The following ENAH variants were observed in gnomAD, a reference collection of about 807,000 sequenced individuals.
ENAH encodes the protein protein enabled homolog.
ENAH carries 23 observed loss-of-function variants against 78.7 expected under a neutral mutation model. That is an observed-to-expected ratio of 0.29 (90% CI 0.21 to 0.41). ENAH has a LOEUF of 0.41. Ranked by LOEUF, ENAH falls within the 10% of genes least tolerant of loss-of-function variation. ENAH has a pLI of 1.00. For missense variants in ENAH, 544 were observed against 691.0 expected (o/e 0.79, Z 2.39); for synonymous variants, 226 against 241.0 (o/e 0.94, Z 0.58).
rs141517026 is a variant in ENAH, at chr1:225,570,554, A to G, written c.6-3140T>C. Among the ~76,000 whole-genome samples the G allele has an allele frequency of 3.1e-3, 472 of 152,150 alleles. 4 individuals are homozygous for G. The highest frequency in any genetic ancestry group is 1.0e-2 in the African/African-American group (415 of 41,514). On this transcript the variant is annotated intron_variant, in intron 1 of 13. Transcript: ENST00000366843. ...TCCTCAGCCTGCTCAACATGAAGACAAGGATGAAGATCTCTATAATGATCC... is the reference window on the plus strand; with the variant it reads ...TCCTCAGCCTGCTCAACATGAAGACGAGGATGAAGATCTCTATAATGATCC...
intron 3 of ENAH, among the ~76,000 whole-genome samples, chr1:225,532,333 A>C (rs544625246): frequency 1.1e-4 from 17 of 152,120 alleles, no homozygotes; most frequent in Non-Finnish European, 2.5e-4. Flanking sequence ...TAGCATGGGC[A>C]ACTCACAAGA....
intron 11 of ENAH, among the ~76,000 whole-genome samples, chr1:225,506,855 A>G (rs1477709493): frequency 6.6e-6 from 1 of 152,232 alleles, no homozygotes; most frequent in Non-Finnish European, 1.5e-5. Flanking sequence ...GGTCTGTGAT[A>G]ATATAAAGTC....
At chr1:225,641,073 C>T (rs1340101845) in intron 1 of ENAH, among the ~76,000 whole-genome samples, 4 of 151,862 alleles carry the variant, frequency 2.6e-5, no homozygotes, top group Non-Finnish European at 4.4e-5. Context: ...CCGTGTTAGC[C>T]AGGATGGTCT....
In ENAH at chr1:225,516,929, A is replaced by T. The variant is rs1440951319; in HGVS notation, c.913+267T>A. ...AAGAAATGTATTATGAGGGGCTCTT[A>T]AATACTAGAAAACATCTTTAACTGC... On this transcript the variant is annotated intron_variant, in intron 6 of 13. Transcript: ENST00000366843. Among the ~76,000 whole-genome samples the T allele has an allele frequency of 2.0e-5, 3 of 152,012 alleles. No individual in the cohort carries two copies. The East Asian group carries it at 5.8e-4, about 29-fold the overall frequency.
chr1:225,629,749 A>G (rs1658662279), intron 1 of ENAH, among the ~76,000 whole-genome samples: 1 of 152,206 alleles, frequency 6.6e-6, no homozygotes, highest in East Asian at 1.9e-4. Context: ...ACTCCTTGCA[A>G]TGTTTTTCTC....
At chr1:225,652,560 G>T in intron 1 of ENAH, 126 bp downstream of exon 1, 1 of 1,074,266 alleles carries the variant, frequency 9.3e-7, no homozygotes, top group Non-Finnish European at 1.2e-6. Flanking sequence ...GGAGGGGGGA[G>T]GAACAGACCG....
chr1:225,519,910 T>C (rs946919629), intron 4 of ENAH, among the ~76,000 whole-genome samples: 2 of 152,230 alleles, frequency 1.3e-5, no homozygotes, highest in Admixed American at 6.5e-5. Context: ...TGAAAACATT[T>C]GTAATTGTAA....
chr1:225,653,251 G>C (rs908420823), upstream of ENAH: 1 of 151,016 alleles, frequency 6.6e-6, no homozygotes. This position sits in a 1 kb window ranked among gnomAD's most constrained non-coding sequence, Gnocchi z 4.3. Context: ...AAGGGGAGGC[G>C]GGGGGCCGGG....
chr1:225,533,703 A>T (rs1438673475), intron 3 of ENAH, among the ~76,000 whole-genome samples: 1 of 152,154 alleles, frequency 6.6e-6, no homozygotes, highest in Non-Finnish European at 1.5e-5. Context: ...ACAGTACCCT[A>T]TAAATGATTA....
At chr1:225,632,006 A>G (rs1409403941) in intron 1 of ENAH, among the ~76,000 whole-genome samples, 2 of 152,236 alleles carry the variant, frequency 1.3e-5, no homozygotes, top group African/African-American at 4.8e-5. Flanking sequence ...GTAGGTAACT[A>G]GTAACAATTC....
rs2172423 is a variant in ENAH, at chr1:225,565,874, G to A, written c.171+1375C>T. On this transcript the variant is annotated intron_variant, in intron 2 of 13. Coordinates refer to ENST00000366843, the MANE Select transcript of ENAH (RefSeq NM_018212.6). ...GACTAAGGAGGGAAAAGAAGAGGGC[G>A]GGGCACAGGGGAGAGACAGACAGAA... Among the ~76,000 whole-genome samples, 1,148 of 152,214 alleles carry A rather than the reference G, an allele frequency of 7.5e-3. 18 individuals carry two copies. The highest frequency in any genetic ancestry group is 0.054 in the South Asian group (258 of 4,808).
At chr1:225,611,030 C>T (rs1442289406) in intron 1 of ENAH, among the ~76,000 whole-genome samples, 1 of 152,098 alleles carries the variant, frequency 6.6e-6, no homozygotes, top group Admixed American at 6.5e-5. Flanking sequence ...CAAAAGCAGG[C>T]AAAACTAATT....
intron 1 of ENAH, among the ~76,000 whole-genome samples, chr1:225,593,188 C>T (rs1344718151): frequency 6.6e-6 from 1 of 152,090 alleles, no homozygotes; most frequent in Non-Finnish European, 1.5e-5. Context: ...CGTCTAGCCA[C>T]CCTGAAGAGC....
intron 1 of ENAH, among the ~76,000 whole-genome samples, chr1:225,628,709 G>A (rs538494383): frequency 6.6e-6 from 1 of 151,852 alleles, no homozygotes. Flanking sequence ...TCAGGAGTTC[G>A]AGACCAGCCT....
At chr1:225,574,900 C>CAAAAA (rs1160881680) in intron 1 of ENAH, among the ~76,000 whole-genome samples, 7 of 1,538 alleles carry the variant, frequency 4.6e-3, no homozygotes, top group Non-Finnish European at 5.8e-3. Context: ...GACTCCGTCT[C>CAAAAA]AAAAAAAAAA....
intron 10 of ENAH, among the ~76,000 whole-genome samples, chr1:225,511,066 G>A (rs1170606359): frequency 6.6e-6 from 1 of 152,080 alleles, no homozygotes; most frequent in Non-Finnish European, 1.5e-5. Context: ...TGTAGATGCA[G>A]CTGGTTGTCT....
At chr1:225,649,494 T>C (rs905936445) in intron 1 of ENAH, among the ~76,000 whole-genome samples, 1 of 152,050 alleles carries the variant, frequency 6.6e-6, no homozygotes, top group Non-Finnish European at 1.5e-5. Context: ...CGCATTCACA[T>C]ACATACACGC....
chr1:225,564,790 TTTAA>T (rs2096726598), intron 2 of ENAH, among the ~76,000 whole-genome samples: 1 of 152,048 alleles, frequency 6.6e-6, no homozygotes, highest in Non-Finnish European at 1.5e-5. Context: ...TTTATTTTCA[TTTAA>T]TTAATATCTT....
intron 1 of ENAH, chr1:225,580,243 G>A (rs2096809019): frequency 6.6e-6 from 1 of 151,920 alleles, no homozygotes; most frequent in South Asian, 2.1e-4. Context: ...AATTTACGAA[G>A]TGACTCTGGC....
Sources: gnomAD v4.1 joint callset for allele counts (sites outside exome capture counted in the v4.1 genomes callset) on GRCh38, gnomAD v4.1.1 for gene constraint, Gnocchi (gnomAD v3.1) non-coding constraint, MANE v1.5 for transcripts, NCBI Gene and HGNC (gene_info 2026-07-23, HGNC 2026-07-21) for gene names.